SYNE2: variants seen among roughly 807,000 people sequenced by gnomAD.
SYNE2 encodes spectrin repeat containing nuclear envelope protein 2, also known as nesprin-2.
Under a neutral mutation model 856.3 loss-of-function variants are expected in SYNE2, and 431 were observed. That is an observed-to-expected ratio of 0.50 (90% CI 0.47 to 0.55). SYNE2 has a LOEUF of 0.55. Ranked by LOEUF, SYNE2 falls within the 20% of genes least tolerant of loss-of-function variation. The probability of loss-of-function intolerance (pLI) is 0.00; values close to 1 mark genes in which losing one functional copy is unlikely to be tolerated. For synonymous variants in SYNE2, 2,923 were observed against 2,872.3 expected (o/e 1.02, Z -0.56); for missense variants, 8,129 against 8,023.2 (o/e 1.01, Z -0.50).
intron 21 of SYNE2, 31 bp downstream of exon 21, chr14:63,991,146 A>C (rs777000375): frequency 6.2e-7 from 1 of 1,608,536 alleles, no homozygotes; most frequent in East Asian, 2.2e-5. Context: ...CAAATGTAGG[A>C]CATTATTGTT....
Position 64,130,192 on chromosome 14 carries a change from C to T in SYNE2, c.14284C>T (p.His4762Tyr). 1 of 1,613,958 alleles carries T rather than the reference C, an allele frequency of 6.2e-7. No homozygotes were observed. The highest frequency in any genetic ancestry group is 1.3e-5 in the African/African-American group (1 of 75,046). Residue 4762 changes from histidine (H) to tyrosine (Y), a missense_variant, in exon 76 of 116, where the codon CAC (histidine) becomes TAC (tyrosine). Physicochemically the swap from His to Tyr is moderately conservative, Grantham distance 83. Around this residue, in one of 3 missense-constraint regions of SYNE2, gnomAD observed 5,410 missense variants for 5,284.8 expected, o/e 1.02. Coordinates refer to ENST00000555002, the MANE Select transcript of SYNE2 (RefSeq NM_182914.3). ...KIGKEKLAHG[H>Y]LKQTKSKVAL... ...TGGGAAGGAAAAGCTTGCTCATGGC[C>T]ACTTAAAACAAACCAAAAGTAAAGT...
intron 1 of SYNE2, among the ~76,000 whole-genome samples, chr14:63,859,164 T>C (rs779484362): frequency 6.6e-6 from 1 of 152,332 alleles, no homozygotes; most frequent in Non-Finnish European, 1.5e-5. Context: ...CTACAGTGGA[T>C]AGGTGAGATC....
At chr14:64,197,281 C>A (rs143897879) in intron 99 of SYNE2, among the ~76,000 whole-genome samples, 2 of 152,114 alleles carry the variant, frequency 1.3e-5, no homozygotes, top group Non-Finnish European at 2.9e-5. Context: ...CGTCAGCATG[C>A]GTGTGGTGTC....
intron 31 of SYNE2, among the ~76,000 whole-genome samples, chr14:64,008,749 T>C (rs890209700): frequency 7.3e-5 from 11 of 150,998 alleles, no homozygotes; most frequent in African/African-American, 2.7e-4. Context: ...CAGTGGGGGG[T>C]ATTAGAGGGG....
At chr14:63,948,415 G>A (rs987012027) in intron 6 of SYNE2, among the ~76,000 whole-genome samples, 1 of 151,972 alleles carries the variant, frequency 6.6e-6, no homozygotes, top group African/African-American at 2.4e-5. Flanking sequence ...TGTAATCCCA[G>A]CATTTTGGGA....
chr14:64,116,061 C>T (rs1269806307), intron 66 of SYNE2, among the ~76,000 whole-genome samples: 2 of 151,982 alleles, frequency 1.3e-5, no homozygotes, highest in Non-Finnish European at 2.9e-5. Context: ...GTCCCAGCTA[C>T]CTGGGAGGCT....
chr14:63,766,714 A>C (rs1045326361), intron 1 of SYNE2, among the ~76,000 whole-genome samples: 2 of 152,208 alleles, frequency 1.3e-5, no homozygotes, highest in African/African-American at 2.4e-5. Flanking sequence ...AGACCACTTC[A>C]GGGGAAGAAA....
intron 1 of SYNE2, among the ~76,000 whole-genome samples, chr14:63,831,940 T>A (rs183412665): frequency 1.4e-3 from 219 of 152,140 alleles, no homozygotes; most frequent in African/African-American, 4.2e-3. Context: ...ATATTTTTTT[T>A]AAATTTCAAT....
Position 64,042,793 on chromosome 14 carries a change from CTT to C in SYNE2, c.7222-5205_7222-5204del. ...TTAAATTGCCCTGTCTTGGGTATGT[CTT>C]TATCAGCACCATGAGAACAAACTAA... On this transcript the variant is annotated intron_variant, in intron 45 of 115. Coordinates refer to ENST00000555002, the MANE Select transcript of SYNE2 (RefSeq NM_182914.3). Among the ~76,000 whole-genome samples the C allele has an allele frequency of 2.6e-5, 4 of 152,182 alleles. No individual in the cohort carries two copies. The Middle Eastern group carries it at 0.01, about 388-fold the overall frequency.
Position 63,941,427 on chromosome 14 carries a change from GC to G in SYNE2, c.142-266del, listed in dbSNP as rs1163570778. On this transcript the variant is annotated intron_variant, in intron 3 of 115. Transcript: ENST00000555002. Reference sequence around the variant, plus strand: ...GCGACTGATTCTAAAAGTCTTTAATGCCACTTGTGTGCACAGGTTTTAAGCT... The same window carrying G: ...GCGACTGATTCTAAAAGTCTTTAATGCACTTGTGTGCACAGGTTTTAAGCT... 5.3e-5 allele frequency among the ~76,000 whole-genome samples: 8 copies of G among 152,182 alleles called. No individual in the cohort carries two copies. In the East Asian group the frequency reaches 1.5e-3, roughly 29 times the overall value.
chr14:64,122,984 A>G (rs551056421), intron 70 of SYNE2, among the ~76,000 whole-genome samples: 1 of 152,038 alleles, frequency 6.6e-6, no homozygotes. Context: ...CTGTAATCCC[A>G]GCTACTCAGG....
At position 64,159,401 on chromosome 14, in the gene SYNE2, T is replaced by C. The variant is rs537982143; in HGVS notation, c.16053T>C (p.Val5351=). Residue 5351 remains valine, a synonymous_variant, in exon 87 of 116, where the codon GTT becomes GTC. Coordinates refer to ENST00000555002, the MANE Select transcript of SYNE2 (RefSeq NM_182914.3). ...AACTCAAAGGTCTCTGCCCCTCTGT[T>C]GCTGAAATAATCGAAGAGAAATGCC... is the stretch of plus-strand genomic sequence containing the variant. ...IGKLKGLCPS[V]AEIIEEKCQN... The C allele has an allele frequency of 4.3e-6, 7 of 1,614,012 alleles. No individual in the cohort carries two copies. Among genetic ancestry groups the C allele is most frequent in the Middle Eastern group, 1.7e-4 (1 of 6,060 alleles).
Position 64,145,936 on chromosome 14 carries a change from T to C in SYNE2, c.15484-132T>C, listed in dbSNP as rs2098182086. On this transcript the variant is annotated intron_variant, in intron 83 of 115. Coordinates refer to ENST00000555002, the MANE Select transcript of SYNE2 (RefSeq NM_182914.3). ...TTTTTGAATCTTTATTCAAAAGTTA[T>C]CAGAGCATCTTATTACATGAAATAT... 12 of 587,384 alleles carry C rather than the reference T, an allele frequency of 2.0e-5. No homozygotes were observed. The South Asian group carries it at 3.3e-4, about 16-fold the overall frequency. The allele number at this position is 587,384 out of a possible 1,614,324, so 36.4% of individuals were successfully genotyped here.
intron 16 of SYNE2, among the ~76,000 whole-genome samples, chr14:63,982,429 G>A (rs557309392): frequency 1.3e-5 from 2 of 148,940 alleles, no homozygotes; most frequent in African/African-American, 2.5e-5. Context: ...TGCAAAGAAT[G>A]TTGCTTAGAA....
chr14:63,803,041 A>T (rs377078194), intron 1 of SYNE2, among the ~76,000 whole-genome samples: 2 of 152,192 alleles, frequency 1.3e-5, no homozygotes, highest in Non-Finnish European at 1.5e-5. Context: ...TGGCTCAGGC[A>T]GCCTGCTTTT....
chr14:64,126,543 T>G (rs1009905888), intron 72 of SYNE2, 55 bp from the exon 73 acceptor site: 11 of 1,614,106 alleles, frequency 6.8e-6, no homozygotes, highest in Admixed American at 6.7e-5. Flanking sequence ...TAAGCCCACG[T>G]GGAAGCCTCT....
chr14:63,980,104 AT>A (rs2096574514), intron 14 of SYNE2, among the ~76,000 whole-genome samples: 2 of 152,074 alleles, frequency 1.3e-5, no homozygotes. Context: ...TTGAATTTTC[AT>A]TTTTCTATTT....
chr14:64,026,599 T>C lies in SYNE2; in HGVS notation c.6273T>C (p.Pro2091=), dbSNP rs2096980883. ...TTCAGGAAATCATTTTGCTGAAGCC[T>C]GAAGGGGATGCCAGAATAGAGACCA... The part of the protein sequence containing the change: ...QKIKEIILLK[P]EGDARIETIM... Residue 2091 remains proline (P), a synonymous_variant, in exon 42 of 116, where the codon CCT becomes CCC. Transcript: ENST00000555002. The C allele has an allele frequency of 6.2e-7, 1 of 1,613,616 alleles. No individual in the cohort carries two copies. The highest frequency in any genetic ancestry group is 8.5e-7 in the Non-Finnish European group (1 of 1,179,762).
At chr14:64,158,873 CTG>C in intron 86 of SYNE2, 78 bp downstream of exon 86, 2 of 1,469,260 alleles carry the variant, frequency 1.4e-6, no homozygotes, top group South Asian at 1.2e-5. Context: ...ACGGGCATAA[CTG>C]TGTTTGTGCC....
Sources: gnomAD v4.1 joint callset for allele counts (sites outside exome capture counted in the v4.1 genomes callset) on GRCh38, gnomAD v4.1.1 for gene constraint, gnomAD v4.1.1 regional missense constraint, MANE v1.5 for transcripts, NCBI Gene and HGNC (gene_info 2026-07-23, HGNC 2026-07-21) for gene names.